Variants in TAF4B observed in about 807,000 individuals in gnomAD.
TAF4B encodes the protein TATA-box binding protein associated factor 4b.
TAF4B carries 38 observed loss-of-function variants against 86.4 expected under a neutral mutation model. The observed-to-expected ratio is 0.44, with a 90% CI of 0.34 to 0.58. The LOEUF (loss-of-function observed/expected upper bound fraction) is 0.58. Among genes scored for constraint, TAF4B ranks in the 20% least tolerant of loss-of-function variants. The probability of loss-of-function intolerance (pLI) is 0.02; values close to 1 mark genes in which losing one functional copy is unlikely to be tolerated. For synonymous variants in TAF4B, 388 were observed against 391.2 expected (o/e 0.99, Z 0.10); for missense variants, 988 against 1,027.6 (o/e 0.96, Z 0.53).
intron 1 of TAF4B, among the ~76,000 whole-genome samples, chr18:26,247,152 A>G (rs1712244363): frequency 6.6e-6 from 1 of 152,254 alleles, no homozygotes; most frequent in Non-Finnish European, 1.5e-5. Flanking sequence ...GGCGTGAGCC[A>G]CCATGCCTGT....
chr18:26,304,152 G>T (rs1333335396), intron 9 of TAF4B, among the ~76,000 whole-genome samples: 2 of 140,470 alleles, frequency 1.4e-5, no homozygotes, highest in Non-Finnish European at 3.0e-5. Context: ...ATTGAGATTA[G>T]AATTATAGGT....
intron 13 of TAF4B, among the ~76,000 whole-genome samples, chr18:26,337,316 C>T (rs182969485): frequency 5.3e-5 from 8 of 152,110 alleles, no homozygotes; most frequent in African/African-American, 1.9e-4. Context: ...TTCTTAATAA[C>T]TTGAGTGTTC....
At chr18:26,310,835 A>AT (rs565890912) in intron 9 of TAF4B, among the ~76,000 whole-genome samples, 18 of 149,292 alleles carry the variant, frequency 1.2e-4, no homozygotes, top group Admixed American at 4.7e-4. Context: ...TAAGTATAGT[A>AT]TTTTTTTTTT....
intron 11 of TAF4B, among the ~76,000 whole-genome samples, chr18:26,323,937 A>G (rs758281275): frequency 2.6e-5 from 4 of 151,982 alleles, no homozygotes; most frequent in African/African-American, 7.2e-5. Flanking sequence ...AATAACTTCT[A>G]TTTTGCTATT....
At chr18:26,307,582 ATATAC>A (rs2056807897) in intron 9 of TAF4B, among the ~76,000 whole-genome samples, 1 of 152,228 alleles carries the variant, frequency 6.6e-6, no homozygotes, top group Non-Finnish European at 1.5e-5. Flanking sequence ...GATAATATCT[ATATAC>A]TATATCTGGT....
At position 26,323,484 on chromosome 18, in the gene TAF4B, C is replaced by T. The variant is rs572938903; in HGVS notation, c.2133+2284C>T. ...AGCCACCCTCCCACCTCAGCCTTTC[C>T]AGTAGCTAAGACTAACAGGCGTGTG... On this transcript the variant is annotated intron_variant, in intron 11 of 14. Transcript: ENST00000269142. 1.8e-4 allele frequency among the ~76,000 whole-genome samples: 27 copies of T among 151,972 alleles called. No homozygotes were observed. The East Asian group carries it at 3.7e-3, about 21-fold the overall frequency.
chr18:26,261,689 GAT>G (rs2056169927), intron 1 of TAF4B, among the ~76,000 whole-genome samples: 1 of 152,190 alleles, frequency 6.6e-6, no homozygotes, highest in Non-Finnish European at 1.5e-5. Flanking sequence ...CCTTTACAGA[GAT>G]AATTTTTTAG....
intron 6 of TAF4B, among the ~76,000 whole-genome samples, chr18:26,284,788 G>A (rs1375105269): frequency 1.3e-5 from 2 of 152,052 alleles, no homozygotes; most frequent in Non-Finnish European, 2.9e-5. Context: ...AGAATCTCTT[G>A]AACTCAGGAG....
Position 26,285,463 on chromosome 18 carries a change from A to G in TAF4B, c.973-419A>G, listed in dbSNP as rs2056508195. 2.0e-5 allele frequency among the ~76,000 whole-genome samples: 3 copies of G among 151,878 alleles called. No individual in the cohort carries two copies. In the South Asian group the frequency reaches 6.3e-4, roughly 32 times the overall value. On this transcript the variant is annotated intron_variant, in intron 6 of 14. Transcript: ENST00000269142. ...TGGCCTCCCAGAGTGCTGGGATTAC[A>G]GGCATGAGCCACTGCACCTATTTCT...
At chr18:26,325,526 G>A (rs2056996802) in intron 11 of TAF4B, among the ~76,000 whole-genome samples, 1 of 152,172 alleles carries the variant, frequency 6.6e-6, no homozygotes, top group Admixed American at 6.5e-5. Context: ...AAAAAAGGAT[G>A]CGAATGTCAG....
chr18:26,264,774 A>G (rs181180736), intron 1 of TAF4B, among the ~76,000 whole-genome samples: 1 of 152,332 alleles, frequency 6.6e-6, no homozygotes, highest in East Asian at 1.9e-4. Flanking sequence ...TCCTTTCCTC[A>G]TAAGTCTACA....
intron 1 of TAF4B, among the ~76,000 whole-genome samples, chr18:26,258,660 A>T (rs1434141605): frequency 6.6e-6 from 1 of 151,992 alleles, no homozygotes; most frequent in East Asian, 1.9e-4. Flanking sequence ...TTTTGTATGG[A>T]GTATCTGCTA....
intron 1 of TAF4B, among the ~76,000 whole-genome samples, chr18:26,263,029 C>T (rs1334189163): frequency 1.3e-5 from 2 of 152,166 alleles, no homozygotes; most frequent in Non-Finnish European, 2.9e-5. Flanking sequence ...TAGCTCACTA[C>T]AGCCTTGAAC....
chr18:26,305,244 A>G (rs1053261305), intron 9 of TAF4B, among the ~76,000 whole-genome samples: 5 of 152,086 alleles, frequency 3.3e-5, no homozygotes, highest in Admixed American at 3.3e-4. Context: ...TATTTTTGTA[A>G]ATGTGTGAGG....
In TAF4B at chr18:26,282,045, G is replaced by A. The variant is rs768003516; in HGVS notation, c.957G>A (p.Leu319=). 1 of 1,612,246 alleles carries A rather than the reference G, an allele frequency of 6.2e-7. No homozygotes were observed. The highest frequency in any genetic ancestry group is 8.5e-7 in the Non-Finnish European group (1 of 1,179,132). Reference sequence around the variant, plus strand: ...TCAAGTCTTCACCTCAGCCTCACCTGGTTCCTTTTCTTAAGGTAGAGTTAT... The same window carrying A: ...TCAAGTCTTCACCTCAGCCTCACCTAGTTCCTTTTCTTAAGGTAGAGTTAT... ...VELKSSPQPH[L]VPFLKKSVVA... Residue 319 remains leucine (L), a synonymous_variant, in exon 6 of 15, where the codon CTG becomes CTA. Coordinates refer to ENST00000269142, the MANE Select transcript of TAF4B (RefSeq NM_005640.3).
At chr18:26,317,382 A>C (rs2144669934) in intron 10 of TAF4B, among the ~76,000 whole-genome samples, 1 of 152,256 alleles carries the variant, frequency 6.6e-6, no homozygotes, top group East Asian at 1.9e-4. Flanking sequence ...ATATGATAGA[A>C]AAATTTTTGG....
intron 9 of TAF4B, among the ~76,000 whole-genome samples, chr18:26,301,168 G>A (rs142629800): frequency 6.5e-4 from 99 of 152,190 alleles, no homozygotes; most frequent in African/African-American, 2.3e-3. Flanking sequence ...TAGAAACCAC[G>A]ACCATCATTT....
At chr18:26,302,501 A>G (rs2056746270) in intron 9 of TAF4B, among the ~76,000 whole-genome samples, 1 of 151,502 alleles carries the variant, frequency 6.6e-6, no homozygotes, top group South Asian at 2.1e-4. Flanking sequence ...AGCTAAGACA[A>G]CAGGTACACG....
intron 9 of TAF4B, among the ~76,000 whole-genome samples, chr18:26,312,382 CA>C (rs1465577922): frequency 1.3e-5 from 2 of 152,116 alleles, no homozygotes; most frequent in African/African-American, 4.8e-5. Context: ...CCTCTTTCCT[CA>C]GTAGGGGTCC....
Sources: allele counts gnomAD v4.1 joint callset (sites outside exome capture counted in the v4.1 genomes callset), GRCh38; gene constraint gnomAD v4.1.1; transcripts MANE v1.5; gene names NCBI Gene and HGNC (gene_info 2026-07-23, HGNC 2026-07-21).